The following GLRA2 variants were observed in gnomAD, a reference collection of about 807,000 sequenced individuals.
GLRA2 encodes glycine receptor subunit alpha-2.
In GLRA2, 11 loss-of-function variants were observed where a neutral mutation model predicts 31.6. The observed-to-expected ratio is 0.35, with a 90% CI of 0.22 to 0.58. The LOEUF (loss-of-function observed/expected upper bound fraction) is 0.58, where lower values mean the gene tolerates loss of function less well. GLRA2 is among the 20% of genes least tolerant of loss of function. The probability of loss-of-function intolerance (pLI) is 0.84; values close to 1 mark genes in which losing one functional copy is unlikely to be tolerated. For synonymous variants in GLRA2, 132 were observed against 134.0 expected, an observed-to-expected ratio of 0.99 and a Z score of 0.10; for missense variants, 212 against 351.8, an observed-to-expected ratio of 0.60 and a Z score of 3.18.
At chrX:14,559,953 A>G (rs2089704177) in intron 2 of GLRA2, among the ~76,000 whole-genome samples, 1 of 111,272 alleles carries the variant, frequency 9.0e-6, no homozygotes, top group Non-Finnish European at 1.9e-5. Context: ...TGATCCTCCT[A>G]TCCTCCAAGG....
At chrX:14,474,476 G>A in the GLRA2 span, among the ~76,000 whole-genome samples, 3 of 111,717 alleles carry the variant, frequency 2.7e-5, no homozygotes, top group African/African-American at 9.8e-5. Flanking sequence ...AAAATGTAGT[G>A]TCTTCAAGAA....
At chrX:14,518,853 A>G in the GLRA2 span, among the ~76,000 whole-genome samples, 1 of 106,225 alleles carries the variant, frequency 9.4e-6, no homozygotes, top group African/African-American at 3.4e-5. Flanking sequence ...TACTGAAAAA[A>G]AAAAAAAAAT....
At chrX:14,586,252 C>A (rs2090079407) in intron 4 of GLRA2, among the ~76,000 whole-genome samples, 1 of 111,888 alleles carries the variant, frequency 8.9e-6, no homozygotes, top group African/African-American at 3.2e-5. Flanking sequence ...TCAAACAAAT[C>A]TTTTAAATAG....
At chrX:14,677,891 GCTTT>G (rs2091160699) in intron 7 of GLRA2, among the ~76,000 whole-genome samples, 1 of 111,560 alleles carries the variant, frequency 9.0e-6, no homozygotes, top group Non-Finnish European at 1.9e-5. Flanking sequence ...TTTTGTTTTT[GCTTT>G]CTCTCTCTCA....
At chrX:14,703,276 G>A in intron 8 of GLRA2, among the ~76,000 whole-genome samples, 1 of 111,469 alleles carries the variant, frequency 9.0e-6, no homozygotes, top group Non-Finnish European at 1.9e-5. Context: ...TGTTCTAGGG[G>A]AGAATCTGAT....
chrX:14,682,442 A>G (rs2091223937), intron 7 of GLRA2, among the ~76,000 whole-genome samples: 1 of 111,487 alleles, frequency 9.0e-6, no homozygotes, highest in Non-Finnish European at 1.9e-5. Flanking sequence ...TTCCTTATTA[A>G]TTTTTGTCTC....
At chrX:14,454,180 CCACACACCCACACACA>C in the GLRA2 span, among the ~76,000 whole-genome samples, 5 of 68,817 alleles carry the variant, frequency 7.3e-5, no homozygotes, top group Non-Finnish European at 8.8e-5. Flanking sequence ...ACACCCACAC[CCACACACCCACACACA>C]CACACACACA....
the GLRA2 span, among the ~76,000 whole-genome samples, chrX:14,520,214 G>A: frequency 1.8e-5 from 2 of 111,664 alleles, no homozygotes; most frequent in African/African-American, 6.5e-5. Context: ...TTTCAGCGAA[G>A]GTATCATGAT....
rs6630723 is a variant in GLRA2 at position 14,624,097 on chromosome X, A to G, written c.930+14892A>G. Among the ~76,000 whole-genome samples, 12 of 111,404 alleles carry G rather than the reference A, an allele frequency of 1.1e-4. No homozygotes were observed. The East Asian group carries it at 2.0e-3, about 18-fold the overall frequency. ...GGGAGGGTGTATGTATGTGTTGAGT[A>G]ATTTATCCATTTCTTCTAGATTTTC... On this transcript the variant is annotated intron_variant, in intron 7 of 8. Coordinates refer to ENST00000218075, the MANE Select transcript of GLRA2 (RefSeq NM_002063.4).
At chrX:14,582,212 T>TCCCCCCCCC (rs559529167) in intron 4 of GLRA2, among the ~76,000 whole-genome samples, 1 of 66,199 alleles carries the variant, frequency 1.5e-5, no homozygotes. Flanking sequence ...ATGCTATCCC[T>TCCCCCCCCC]CCCCCTCCCC....
chrX:14,599,557 A>G (rs1471742129), intron 4 of GLRA2, among the ~76,000 whole-genome samples: 1 of 112,578 alleles, frequency 8.9e-6, no homozygotes, highest in Non-Finnish European at 1.9e-5. Context: ...ACAAAATAAT[A>G]TCAAGTTCTT....
the GLRA2 span, among the ~76,000 whole-genome samples, chrX:14,502,897 A>G: frequency 2.7e-5 from 3 of 109,759 alleles, no homozygotes; most frequent in Non-Finnish European, 5.7e-5. Context: ...AAAAAAAAAA[A>G]AAAACCATGG....
At chrX:14,577,758 T>G (rs2089972964) in intron 3 of GLRA2, among the ~76,000 whole-genome samples, 1 of 111,712 alleles carries the variant, frequency 9.0e-6, no homozygotes, top group South Asian at 3.8e-4. Flanking sequence ...GGTTAGAATT[T>G]CAACATATGA....
At chrX:14,599,024 G>T (rs1474411624) in intron 4 of GLRA2, among the ~76,000 whole-genome samples, 2 of 111,462 alleles carry the variant, frequency 1.8e-5, no homozygotes, top group Non-Finnish European at 3.8e-5. Context: ...AGTAAGAAAG[G>T]GAAAGGGCAG....
At position 14,674,760 on chromosome X, in the gene GLRA2, TTCTC is replaced by T. The variant is rs766034159; in HGVS notation, c.931-15939_931-15936del. On this transcript the variant is annotated intron_variant, in intron 7 of 8. Transcript: ENST00000218075. Reference sequence around the variant, plus strand: ...TTTTCTCTTCTCTTTCTTTCTCCTTTTCTCTCTCTCTCTCCCATGCACACACACA... The same window carrying T: ...TTTTCTCTTCTCTTTCTTTCTCCTTTTCTCTCTCTCCCATGCACACACACA... Among the ~76,000 whole-genome samples the T allele has an allele frequency of 5.5e-5, 6 of 109,215 alleles. No homozygotes were observed. In the South Asian group the frequency reaches 1.2e-3, roughly 22 times the overall value. 94.8% of individuals were successfully genotyped at this position (109,215 alleles called of 115,157 possible). A position where few individuals can be genotyped will look rare whatever the true frequency, so the allele number is the denominator to read the frequency against.
the GLRA2 span, among the ~76,000 whole-genome samples, chrX:14,451,594 C>T: frequency 7.2e-5 from 7 of 96,783 alleles, 1 homozygote; most frequent in East Asian, 6.3e-4. Context: ...GCCAAGATCA[C>T]GATCACACCA....
chrX:14,602,559 A>G (rs1371881978), intron 4 of GLRA2, among the ~76,000 whole-genome samples: 1 of 110,117 alleles, frequency 9.1e-6, no homozygotes, highest in Non-Finnish European at 1.9e-5. Context: ...CCAATTTGTA[A>G]TCTTTTATCC....
At chrX:14,504,378 A>C in the GLRA2 span, among the ~76,000 whole-genome samples, 1 of 112,033 alleles carries the variant, frequency 8.9e-6, no homozygotes, top group African/African-American at 3.2e-5. Flanking sequence ...TAGAAAGAGC[A>C]AAAGAGACAC....
At chrX:14,512,401 G>C in the GLRA2 span, among the ~76,000 whole-genome samples, 1 of 111,303 alleles carries the variant, frequency 9.0e-6, no homozygotes, top group African/African-American at 3.3e-5. Context: ...ATTCAACATA[G>C]TACTGAAATT....
Sources: allele counts gnomAD v4.1 joint callset (sites outside exome capture counted in the v4.1 genomes callset), GRCh38; gene constraint gnomAD v4.1.1; transcripts MANE v1.5; gene names NCBI Gene and HGNC (gene_info 2026-07-23, HGNC 2026-07-21).